KCNIP4: variants seen among roughly 807,000 people sequenced by gnomAD.
KCNIP4 encodes Kv channel-interacting protein 4.
A neutral mutation model predicts 34.0 loss-of-function variants in KCNIP4; 12 were observed. The ratio of observed to expected loss-of-function variants is 0.35; its 90% CI spans 0.23 to 0.57. The LOEUF is 0.57. KCNIP4 is among the 20% of genes least tolerant of loss of function. KCNIP4 has a pLI of 0.83. For synonymous variants in KCNIP4, 124 were observed against 102.2 expected (o/e 1.21, Z -1.29); for missense variants, 238 against 311.7 (o/e 0.76, Z 1.78).
chr4:20,847,994 C>G (rs1720578268), intron 3 of KCNIP4, among the ~76,000 whole-genome samples: 1 of 152,054 alleles, frequency 6.6e-6, no homozygotes, highest in African/African-American at 2.4e-5. Context: ...CAGCTTACTA[C>G]CATGCTGTAA....
chr4:21,005,895 C>G lies in KCNIP4; in HGVS notation c.62-123186G>C, dbSNP rs182834948. ...TTTATCCTAAAACATACTCTTTCCC[C>G]TGACATTTGCATTTTTTCTGAAATT... On this transcript the variant is annotated intron_variant, in intron 1 of 8. Coordinates refer to ENST00000382152, the MANE Select transcript of KCNIP4 (RefSeq NM_025221.6). 3.3e-5 allele frequency among the ~76,000 whole-genome samples: 5 copies of G among 152,252 alleles called. No individual in the cohort carries two copies. The East Asian group carries it at 9.6e-4, about 29-fold the overall frequency.
At chr4:21,039,196 C>G (rs780044345) in intron 1 of KCNIP4, among the ~76,000 whole-genome samples, 1 of 151,910 alleles carries the variant, frequency 6.6e-6, no homozygotes, top group East Asian at 1.9e-4. Flanking sequence ...CCTGTCTCTA[C>G]TAAAAATACA....
At chr4:21,571,199 C>G (rs1268271478) in intron 1 of KCNIP4, among the ~76,000 whole-genome samples, 1 of 152,112 alleles carries the variant, frequency 6.6e-6, no homozygotes, top group Non-Finnish European at 1.5e-5. Flanking sequence ...TTGTCACAGT[C>G]CTCTGAGATG....
intron 1 of KCNIP4, among the ~76,000 whole-genome samples, chr4:21,434,169 C>T (rs182812052): frequency 4.6e-5 from 7 of 152,148 alleles, no homozygotes; most frequent in Admixed American, 2.0e-4. Context: ...CTCAGCATGA[C>T]GTTTTCAAGT....
intron 1 of KCNIP4, among the ~76,000 whole-genome samples, chr4:21,031,502 C>A (rs1473053331): frequency 6.6e-6 from 1 of 152,150 alleles, no homozygotes; most frequent in South Asian, 2.1e-4. Flanking sequence ...GTAAAACAAA[C>A]AAGAGACTAA....
At chr4:20,736,554 C>A (rs1416479785) in intron 5 of KCNIP4, among the ~76,000 whole-genome samples, 2 of 151,990 alleles carry the variant, frequency 1.3e-5, no homozygotes, top group Non-Finnish European at 2.9e-5. Context: ...TTAATTTTAC[C>A]TTTTTTTCTA....
intron 1 of KCNIP4, among the ~76,000 whole-genome samples, chr4:21,290,016 A>G (rs1167829574): frequency 6.6e-6 from 1 of 152,202 alleles, no homozygotes; most frequent in Non-Finnish European, 1.5e-5. Flanking sequence ...AGGTACAAAA[A>G]AAAATAGCTT....
Position 21,222,997 on chromosome 4 carries a change from C to G in KCNIP4, c.62-340288G>C, listed in dbSNP as rs1201741871. 2.0e-5 allele frequency among the ~76,000 whole-genome samples: 3 copies of G among 152,186 alleles called. No individual in the cohort carries two copies. In the East Asian group the frequency reaches 5.8e-4, roughly 29 times the overall value. ...TGAACCCTTTGAGAAAGGCAGAATA[C>G]TGGCCTCCCAAAGATGTCCACATCC... On this transcript the variant is annotated intron_variant, in intron 1 of 8. Coordinates refer to ENST00000382152, the MANE Select transcript of KCNIP4 (RefSeq NM_025221.6).
chr4:21,503,551 C>T (rs1733539680), intron 1 of KCNIP4, among the ~76,000 whole-genome samples: 1 of 152,178 alleles, frequency 6.6e-6, no homozygotes, highest in Non-Finnish European at 1.5e-5. Flanking sequence ...AAACTAGACA[C>T]TTAGATGGAC....
intron 1 of KCNIP4, among the ~76,000 whole-genome samples, chr4:21,251,651 G>A (rs1760706606): frequency 6.6e-6 from 1 of 151,998 alleles, no homozygotes; most frequent in Non-Finnish European, 1.5e-5. Flanking sequence ...AGAAAATGTG[G>A]CACATATACA....
intron 1 of KCNIP4, among the ~76,000 whole-genome samples, chr4:21,589,470 A>T (rs1741998667): frequency 6.6e-6 from 1 of 150,960 alleles, no homozygotes; most frequent in African/African-American, 2.4e-5. Context: ...TATGAGGCAT[A>T]GTCTAGACCA....
chr4:21,526,974 C>T (rs777737822), intron 1 of KCNIP4, among the ~76,000 whole-genome samples: 14 of 152,250 alleles, frequency 9.2e-5, no homozygotes, highest in Admixed American at 2.0e-4. Flanking sequence ...TTTCAGGGAA[C>T]GGGTCTACCC....
intron 1 of KCNIP4, among the ~76,000 whole-genome samples, chr4:21,206,864 G>T (rs530537850): frequency 6.6e-6 from 1 of 152,250 alleles, no homozygotes; most frequent in South Asian, 2.1e-4. Context: ...CAATCGTGGG[G>T]CTATCCAATT....
intron 1 of KCNIP4, among the ~76,000 whole-genome samples, chr4:21,462,910 A>G (rs1459184060): frequency 6.6e-6 from 1 of 151,816 alleles, no homozygotes; most frequent in East Asian, 1.9e-4. Context: ...TTATTTATCC[A>G]TAAATGTTAA....
At chr4:21,045,712 A>G (rs1459657761) in intron 1 of KCNIP4, among the ~76,000 whole-genome samples, 1 of 152,238 alleles carries the variant, frequency 6.6e-6, no homozygotes, top group Non-Finnish European at 1.5e-5. Flanking sequence ...TTTATTAGGA[A>G]AATTGAATCA....
chr4:20,984,581 T>G (rs1577485422), intron 1 of KCNIP4, among the ~76,000 whole-genome samples: 2 of 152,146 alleles, frequency 1.3e-5, no homozygotes, highest in East Asian at 3.9e-4. Context: ...CAAAGCTCCG[T>G]GATTCAATGA....
At chr4:21,848,719 T>G (rs2109332197) in intron 1 of KCNIP4, 1 of 152,216 alleles carries the variant, frequency 6.6e-6, no homozygotes, top group South Asian at 2.1e-4. Flanking sequence ...GGGTTAGATT[T>G]CAGATGGCAC....
rs145122327 is a variant in KCNIP4 at position 21,560,252 on chromosome 4, A to C, written c.61+388319T>G. ...AGATCATCTCCCATAGGGCCATTCC[A>C]ATTGTAAAATGAACTCTGCATCTGA... On this transcript the variant is annotated intron_variant, in intron 1 of 8. Transcript: ENST00000382152. 3.1e-3 allele frequency among the ~76,000 whole-genome samples: 471 copies of C among 152,196 alleles called. 4 individuals carry two copies. The highest frequency in any genetic ancestry group is 0.011 in the African/African-American group (449 of 41,568).
intron 1 of KCNIP4, among the ~76,000 whole-genome samples, chr4:21,339,674 C>A (rs1716547577): frequency 6.6e-6 from 1 of 152,116 alleles, no homozygotes; most frequent in Non-Finnish European, 1.5e-5. Context: ...AGGATGGAAG[C>A]TTTCAAGATC....
Sources: gnomAD v4.1 joint callset for allele counts (sites outside exome capture counted in the v4.1 genomes callset) on GRCh38, gnomAD v4.1.1 for gene constraint, MANE v1.5 for transcripts, NCBI Gene and HGNC (gene_info 2026-07-23, HGNC 2026-07-21) for gene names.